GRM7: variants seen among roughly 807,000 people sequenced by gnomAD.
GRM7 encodes metabotropic glutamate receptor 7.
A neutral mutation model predicts 84.5 loss-of-function variants in GRM7; 35 were observed. The ratio of observed to expected loss-of-function variants is 0.41; its 90% CI spans 0.32 to 0.55. GRM7 has a LOEUF of 0.55. GRM7 is among the 20% of genes least tolerant of loss of function. The pLI is 0.19. For synonymous variants in GRM7, 487 were observed against 455.1 expected (o/e 1.07, Z -0.89); for missense variants, 1,003 against 1,194.6 (o/e 0.84, Z 2.36).
chr3:7,145,571 C>G (rs185348592), intron 1 of GRM7, among the ~76,000 whole-genome samples: 1 of 152,166 alleles, frequency 6.6e-6, no homozygotes, highest in Non-Finnish European at 1.5e-5. Flanking sequence ...AGCCCAATTT[C>G]CAATGATGCT....
intron 2 of GRM7, among the ~76,000 whole-genome samples, chr3:7,277,248 C>T (rs746362182): frequency 2.0e-5 from 3 of 151,648 alleles, no homozygotes; most frequent in Non-Finnish European, 4.4e-5. Flanking sequence ...ATTTCATGGA[C>T]CAAAAAACCT....
At chr3:7,328,843 T>G (rs567277883) in intron 4 of GRM7, among the ~76,000 whole-genome samples, 2 of 152,080 alleles carry the variant, frequency 1.3e-5, no homozygotes, top group African/African-American at 2.4e-5. Flanking sequence ...GTTTTGCAGA[T>G]AGTAGAAACC....
At chr3:7,493,654 A>G (rs961164584) in intron 7 of GRM7, among the ~76,000 whole-genome samples, 4 of 152,036 alleles carry the variant, frequency 2.6e-5, no homozygotes, top group East Asian at 1.9e-4. Flanking sequence ...TTTGATTGGC[A>G]TATTTAGACC....
At chr3:7,225,986 A>G (rs1696969472) in intron 2 of GRM7, among the ~76,000 whole-genome samples, 1 of 152,176 alleles carries the variant, frequency 6.6e-6, no homozygotes, top group East Asian at 1.9e-4. Context: ...GAAATAAAGA[A>G]CATTAGTCCC....
At chr3:7,065,247 G>T in intron 1 of GRM7, among the ~76,000 whole-genome samples, 1 of 151,782 alleles carries the variant, frequency 6.6e-6, no homozygotes, top group East Asian at 1.9e-4. Flanking sequence ...TGGGTTCTTG[G>T]TCATGAAGTC....
intron 7 of GRM7, among the ~76,000 whole-genome samples, chr3:7,518,467 T>C (rs1700473929): frequency 6.6e-6 from 1 of 152,216 alleles, no homozygotes; most frequent in Non-Finnish European, 1.5e-5. Context: ...GTTACTGTGA[T>C]CTTTCCTCTC....
chr3:7,155,681 A>G (rs1271180611), intron 2 of GRM7, among the ~76,000 whole-genome samples: 1 of 152,104 alleles, frequency 6.6e-6, no homozygotes, highest in Non-Finnish European at 1.5e-5. Context: ...TTTTCCTTTA[A>G]TTTGGCAAAC....
At chr3:7,640,671 G>C (rs1435726242) in intron 8 of GRM7, among the ~76,000 whole-genome samples, 1 of 152,164 alleles carries the variant, frequency 6.6e-6, no homozygotes, top group East Asian at 1.9e-4. Flanking sequence ...TATAGCAATA[G>C]CTATAGCCTA....
chr3:7,067,127 C>T (rs146828614), intron 1 of GRM7, among the ~76,000 whole-genome samples: 5,869 of 152,010 alleles, frequency 0.039, 221 homozygotes, highest in African/African-American at 0.092. Flanking sequence ...AGGATGCCCA[C>T]TCTCACCGCT....
chr3:7,011,065 C>T (rs1532544), intron 1 of GRM7, among the ~76,000 whole-genome samples: 43,489 of 152,022 alleles, frequency 0.29, 8,065 homozygotes, highest in African/African-American at 0.53. Flanking sequence ...GGTTCCCCTC[C>T]TGGCTAACTC....
chr3:6,954,110 C>A (rs1299406426), intron 1 of GRM7, among the ~76,000 whole-genome samples: 1 of 152,088 alleles, frequency 6.6e-6, no homozygotes, highest in Non-Finnish European at 1.5e-5. Context: ...ATGTACCCCA[C>A]AAATACTTAC....
chr3:6,864,205 A>C (rs1162518412), intron 1 of GRM7, among the ~76,000 whole-genome samples: 2 of 152,184 alleles, frequency 1.3e-5, no homozygotes, highest in African/African-American at 4.8e-5. Flanking sequence ...CCTAGTTTTC[A>C]CCTGCGTTTA....
intron 4 of GRM7, among the ~76,000 whole-genome samples, chr3:7,346,659 A>C (rs930995065): frequency 3.8e-5 from 5 of 131,548 alleles, no homozygotes; most frequent in Admixed American, 7.8e-5. Flanking sequence ...TATTTTCTTT[A>C]TTCTTCCTAT....
intron 2 of GRM7, among the ~76,000 whole-genome samples, chr3:7,220,383 C>T (rs1696760989): frequency 1.3e-5 from 2 of 152,150 alleles, no homozygotes; most frequent in Non-Finnish European, 2.9e-5. Flanking sequence ...TGTCTATTCT[C>T]CTCAAAATGC....
At chr3:7,345,300 A>G (rs1333974962) in intron 4 of GRM7, among the ~76,000 whole-genome samples, 1 of 149,646 alleles carries the variant, frequency 6.7e-6, no homozygotes, top group East Asian at 2.0e-4. Flanking sequence ...TTTGAGACAG[A>G]GTCTCACTCT....
intron 2 of GRM7, among the ~76,000 whole-genome samples, chr3:7,170,434 T>G (rs1192892814): frequency 6.6e-6 from 1 of 152,136 alleles, no homozygotes; most frequent in Non-Finnish European, 1.5e-5. Flanking sequence ...GTGCCAATAT[T>G]GATGCCACTT....
chr3:7,713,765 G>A (rs183762951), intron 9 of GRM7, among the ~76,000 whole-genome samples: 2 of 143,852 alleles, frequency 1.4e-5, no homozygotes, highest in East Asian at 4.3e-4. Flanking sequence ...CTCCTGGGAT[G>A]CTCTCAATTG....
chr3:6,958,841 T>A (rs1406226831), intron 1 of GRM7, among the ~76,000 whole-genome samples: 2 of 152,144 alleles, frequency 1.3e-5, no homozygotes, highest in Non-Finnish European at 2.9e-5. Flanking sequence ...TTTCTCATAC[T>A]AGAGCATATT....
chr3:7,302,716 T>G (rs1043161608), intron 3 of GRM7, among the ~76,000 whole-genome samples: 5 of 152,052 alleles, frequency 3.3e-5, no homozygotes, highest in African/African-American at 4.8e-5. Context: ...AGTATCTAGT[T>G]TGATACCTTG....
Sources: allele counts gnomAD v4.1 joint callset (sites outside exome capture counted in the v4.1 genomes callset), GRCh38; gene constraint gnomAD v4.1.1; transcripts MANE v1.5; gene names NCBI Gene and HGNC (gene_info 2026-07-23, HGNC 2026-07-21).